FHIT: variants seen among roughly 807,000 people sequenced by gnomAD.
The protein encoded by FHIT is fragile histidine triad diadenosine triphosphatase.
In FHIT, 19 loss-of-function variants were observed where a neutral mutation model predicts 17.9. That is an observed-to-expected ratio of 1.06 (90% confidence interval 0.74 to 1.56). The LOEUF (loss-of-function observed/expected upper bound fraction) is 1.56. FHIT is among the 40% of genes most tolerant of loss of function. The probability of loss-of-function intolerance (pLI) is 0.00; values close to 1 mark genes in which losing one functional copy is unlikely to be tolerated. For missense variants in FHIT, 248 were observed against 189.2 expected (o/e 1.31, Z -1.82); for synonymous variants, 81 against 69.7 (o/e 1.16, Z -0.81).
chr3:61,177,722 C>T (rs751332152), intron 2 of FHIT, among the ~76,000 whole-genome samples: 37 of 152,136 alleles, frequency 2.4e-4, no homozygotes, highest in Non-Finnish European at 4.9e-4. Context: ...ACCTATCTCA[C>T]ATGACTGATA....
intron 5 of FHIT, among the ~76,000 whole-genome samples, chr3:60,430,037 C>G (rs1702819662): frequency 6.6e-6 from 1 of 151,958 alleles, no homozygotes; most frequent in African/African-American, 2.4e-5. Flanking sequence ...GAGATACTGA[C>G]TGACTGGAGA....
At chr3:60,080,410 C>T (rs1246166988) in intron 5 of FHIT, among the ~76,000 whole-genome samples, 1 of 152,062 alleles carries the variant, frequency 6.6e-6, no homozygotes, top group African/African-American at 2.4e-5. Context: ...GATGGACAGT[C>T]CCAGTTTCAA....
chr3:59,858,438 C>T (rs1413056168), intron 8 of FHIT, among the ~76,000 whole-genome samples: 1 of 151,692 alleles, frequency 6.6e-6, no homozygotes, highest in African/African-American at 2.4e-5. Flanking sequence ...ATGTTGGCCA[C>T]GATGGTCTCA....
intron 2 of FHIT, among the ~76,000 whole-genome samples, chr3:61,155,495 AT>A (rs2107069678): frequency 6.6e-6 from 1 of 152,240 alleles, no homozygotes; most frequent in Admixed American, 6.5e-5. Flanking sequence ...AAGTTTTCAA[AT>A]AAAATGAGAG....
chr3:60,191,474 G>C (rs116527341), intron 5 of FHIT, among the ~76,000 whole-genome samples: 5,026 of 152,172 alleles, frequency 0.033, 110 homozygotes, highest in Middle Eastern at 0.11. Flanking sequence ...CATACCATAC[G>C]AACATAATGG....
intron 3 of FHIT, among the ~76,000 whole-genome samples, chr3:60,961,191 G>A (rs879981030): frequency 6.6e-6 from 1 of 152,212 alleles, no homozygotes; most frequent in African/African-American, 2.4e-5. Context: ...CAGTGATGAT[G>A]AGCATGTTTT....
chr3:60,789,173 T>C (rs574740804), intron 4 of FHIT, among the ~76,000 whole-genome samples: 2 of 98,668 alleles, frequency 2.0e-5, no homozygotes, highest in African/African-American at 7.6e-5. Flanking sequence ...TATATATATA[T>C]ATAGAGAGAG....
intron 5 of FHIT, among the ~76,000 whole-genome samples, chr3:60,497,117 AG>A (rs1281627366): frequency 1.3e-5 from 2 of 151,890 alleles, no homozygotes; most frequent in Non-Finnish European, 2.9e-5. Flanking sequence ...CACAACTAGG[AG>A]GGGGCATGGT....
intron 8 of FHIT, among the ~76,000 whole-genome samples, chr3:59,885,130 G>A (rs986438269): frequency 1.3e-5 from 2 of 152,232 alleles, no homozygotes; most frequent in Admixed American, 1.3e-4. Flanking sequence ...CCCTTATGGC[G>A]CAAAAGAAAG....
intron 5 of FHIT, among the ~76,000 whole-genome samples, chr3:60,438,014 T>C (rs2030429125): frequency 6.6e-6 from 1 of 152,140 alleles, no homozygotes; most frequent in Non-Finnish European, 1.5e-5. Context: ...CATATAGTCA[T>C]ATTATATAAA....
intron 5 of FHIT, among the ~76,000 whole-genome samples, chr3:60,310,739 A>G (rs1708904588): frequency 6.6e-6 from 1 of 152,194 alleles, no homozygotes; most frequent in Non-Finnish European, 1.5e-5. Flanking sequence ...TTTACAAATG[A>G]AATTTGTAAT....
intron 5 of FHIT, among the ~76,000 whole-genome samples, chr3:60,500,000 G>C (rs17031605): frequency 0.24 from 36,842 of 152,032 alleles, 6,031 homozygotes; most frequent in African/African-American, 0.44. Flanking sequence ...AAGTAGGATC[G>C]TTATCTGACT....
chr3:59,843,685 T>A (rs1217909282), intron 8 of FHIT, among the ~76,000 whole-genome samples: 1 of 152,184 alleles, frequency 6.6e-6, no homozygotes, highest in African/African-American at 2.4e-5. Flanking sequence ...TTTCAGATTG[T>A]TGTTAGTGGA....
At chr3:61,186,252 A>C (rs1171955382) in intron 2 of FHIT, among the ~76,000 whole-genome samples, 2 of 152,196 alleles carry the variant, frequency 1.3e-5, no homozygotes, top group East Asian at 3.8e-4. Flanking sequence ...CAGGGGCATT[A>C]ATCCAGCTGC....
intron 5 of FHIT, among the ~76,000 whole-genome samples, chr3:60,206,050 G>A (rs970892070): frequency 3.3e-5 from 5 of 150,284 alleles, no homozygotes; most frequent in East Asian, 2.0e-4. Flanking sequence ...GGAGAATGGC[G>A]TGAACCCGGG....
intron 5 of FHIT, among the ~76,000 whole-genome samples, chr3:60,221,853 CT>C (rs1390377958): frequency 6.6e-6 from 1 of 152,088 alleles, no homozygotes; most frequent in Non-Finnish European, 1.5e-5. Flanking sequence ...TTCTCTATCG[CT>C]GTCCTATTTA....
chr3:60,005,671 C>T (rs1302098868), intron 7 of FHIT, among the ~76,000 whole-genome samples: 1 of 152,152 alleles, frequency 6.6e-6, no homozygotes, highest in Admixed American at 6.6e-5. Context: ...CTACAGCATC[C>T]TGAAGATACC....
chr3:60,081,644 TA>T (rs1390905635), intron 5 of FHIT, among the ~76,000 whole-genome samples: 1 of 152,190 alleles, frequency 6.6e-6, no homozygotes, highest in East Asian at 1.9e-4. Flanking sequence ...ATGACAATAA[TA>T]AATGTAGGCT....
At chr3:60,476,142 A>C (rs2033332367) in intron 5 of FHIT, among the ~76,000 whole-genome samples, 1 of 152,184 alleles carries the variant, frequency 6.6e-6, no homozygotes, top group Non-Finnish European at 1.5e-5. Context: ...TCTCTCATTG[A>C]GGAGATATGC....
Sources: gnomAD v4.1 joint callset for allele counts (sites outside exome capture counted in the v4.1 genomes callset) on GRCh38, gnomAD v4.1.1 for gene constraint, MANE v1.5 for transcripts, NCBI Gene and HGNC (gene_info 2026-07-23, HGNC 2026-07-21) for gene names.